NALCN: variants seen among roughly 807,000 people sequenced by gnomAD.
NALCN encodes sodium leak channel NALCN.
Under a neutral mutation model 225.3 loss-of-function variants are expected in NALCN, and 111 were observed. That is an observed-to-expected ratio of 0.49 (90% confidence interval 0.42 to 0.58). The LOEUF (loss-of-function observed/expected upper bound fraction) is 0.58. Ranked by LOEUF, NALCN falls within the 20% of genes least tolerant of loss-of-function variation. The probability of loss-of-function intolerance (pLI) is 0.00; values close to 1 mark genes in which losing one functional copy is unlikely to be tolerated. For missense variants in NALCN, 1,378 were observed against 2,202.4 expected (o/e 0.63, Z 7.49); for synonymous variants, 764 against 769.0 (o/e 0.99, Z 0.11).
chr13:101,325,841 A>C (rs1267232712), intron 7 of NALCN, among the ~76,000 whole-genome samples: 1 of 152,178 alleles, frequency 6.6e-6, no homozygotes, highest in Non-Finnish European at 1.5e-5. Flanking sequence ...CATTTCACAG[A>C]GCTTTATTAA....
intron 11 of NALCN, among the ~76,000 whole-genome samples, chr13:101,249,258 ACAAACCATAATAAT>A (rs1349313253): frequency 6.6e-6 from 1 of 152,204 alleles, no homozygotes; most frequent in Non-Finnish European, 1.5e-5. Context: ...CATGAAACTG[ACAAACCATAATAAT>A]CAAACCATAA....
intron 2 of NALCN, among the ~76,000 whole-genome samples, chr13:101,396,241 A>T (rs72654885): frequency 0.037 from 5,643 of 152,214 alleles, 148 homozygotes; most frequent in Admixed American, 0.073. Context: ...TCAATATTTT[A>T]TTATGAAAAC....
chr13:101,189,023 G>A (rs747225324), intron 14 of NALCN, among the ~76,000 whole-genome samples: 9 of 152,036 alleles, frequency 5.9e-5, no homozygotes, highest in Non-Finnish European at 8.8e-5. Context: ...ATATATGTGT[G>A]GGAAACCTCT....
chr13:101,378,241 A>T (rs180781677), intron 4 of NALCN, among the ~76,000 whole-genome samples: 101 of 152,220 alleles, frequency 6.6e-4, no homozygotes, highest in African/African-American at 2.3e-3. Flanking sequence ...ACAGCTATTG[A>T]CTTTTCTAAC....
chr13:101,193,555 C>T (rs968725570), intron 13 of NALCN, among the ~76,000 whole-genome samples: 2 of 152,130 alleles, frequency 1.3e-5, no homozygotes, highest in African/African-American at 4.8e-5. Flanking sequence ...AATCTCATTA[C>T]CTTATGAAGA....
Position 101,144,884 on chromosome 13 carries a change from C to A in NALCN, c.1852G>T (p.Glu618Ter). Residue 618 changes from glutamate (E) to a stop codon, truncating the protein, a stop_gained, in exon 16 of 44, where the codon GAA (glutamate) becomes TAA (stop). Coordinates refer to ENST00000251127, the MANE Select transcript of NALCN (RefSeq NM_052867.4). LOFTEE classifies it high-confidence loss of function. The stretch of plus-strand genomic sequence containing the variant: ...TTTTCTTTGGTGTCCGCATTTGCTT[C>A]ACTTTGCTTTAACTAAAGAAAAATT... ...LKKLKQLKQSEANADTKEKLP... is the reference protein window; with the variant it reads ...LKKLKQLKQS The A allele has an allele frequency of 6.2e-7, 1 of 1,608,714 alleles. No individual in the cohort carries two copies. The highest frequency in any genetic ancestry group is 8.5e-7 in the Non-Finnish European group (1 of 1,178,268).
chr13:101,204,342 T>C (rs1476637443), intron 13 of NALCN, among the ~76,000 whole-genome samples: 1 of 152,176 alleles, frequency 6.6e-6, no homozygotes, highest in Non-Finnish European at 1.5e-5. Context: ...TAGTTCTTTT[T>C]TCAAAATGAA....
intron 17 of NALCN, among the ~76,000 whole-genome samples, chr13:101,137,373 TTCTCTC>T (rs144925380): frequency 1.0e-3 from 157 of 150,314 alleles, no homozygotes; most frequent in Non-Finnish European, 1.9e-3. Context: ...CATTTGTTCA[TTCTCTC>T]TCTCTCTCTC....
At chr13:101,271,799 ATG>A (rs879667133) in intron 10 of NALCN, among the ~76,000 whole-genome samples, 189 of 150,756 alleles carry the variant, frequency 1.3e-3, no homozygotes, top group Non-Finnish European at 1.9e-3. Context: ...GTGTGCATGC[ATG>A]TGTGTGTGTG....
rs764370767 is a variant in NALCN at position 101,107,477 on chromosome 13, G to A, written c.2579+10C>T. ...AGGCCAAACACCTGGCTGAAATGAA[G>A]TGTACTTACGCGTTGAAGCGTGCTC... On this transcript the variant is annotated intron_variant, in intron 22 of 43. Coordinates refer to ENST00000251127, the MANE Select transcript of NALCN (RefSeq NM_052867.4). 1.1e-5 allele frequency: 17 copies of A among 1,613,826 alleles called. No homozygotes were observed. Among genetic ancestry groups the A allele is most frequent in the Non-Finnish European group, 1.4e-5 (16 of 1,179,908 alleles).
chr13:101,171,045 CTTCCG>C (rs1165178302), intron 15 of NALCN, among the ~76,000 whole-genome samples: 1 of 152,118 alleles, frequency 6.6e-6, no homozygotes, highest in African/African-American at 2.4e-5. Flanking sequence ...GTCATCAACT[CTTCCG>C]TTCAGAGAAG....
chr13:101,185,519 T>C (rs1042022111), intron 14 of NALCN, among the ~76,000 whole-genome samples: 1 of 152,164 alleles, frequency 6.6e-6, no homozygotes, highest in East Asian at 1.9e-4. Context: ...CCCCAAATCA[T>C]TGGCAAAGAT....
rs201866988 is a variant in NALCN, at chr13:101,376,822, C to T, written c.522G>A (p.Ser174=). Reference sequence around the variant, plus strand: ...TGGAAACACTCCATATTTGTTCTCCCGATCGCCTAGAGAAACAAAAGTAGG... The same window carrying T: ...TGGAAACACTCCATATTTGTTCTCCTGATCGCCTAGAGAAACAAAAGTAGG... ...RTRITNILKR[S]GEQIWSVSIF... is the part of the protein sequence containing the mutation. Residue 174 remains serine, a synonymous_variant, in exon 6 of 44, where the codon TCG becomes TCA. Coordinates refer to ENST00000251127, the MANE Select transcript of NALCN (RefSeq NM_052867.4). The T allele has an allele frequency of 2.9e-5, 47 of 1,612,540 alleles. No individual in the cohort carries two copies. Among genetic ancestry groups the T allele is most frequent in the Admixed American group, 1.5e-4 (9 of 59,556 alleles).
intron 6 of NALCN, among the ~76,000 whole-genome samples, chr13:101,364,194 C>G (rs2046322686): frequency 6.6e-6 from 1 of 152,090 alleles, no homozygotes; most frequent in Non-Finnish European, 1.5e-5. Flanking sequence ...TGGAACAACT[C>G]TATGATCCAG....
Position 101,237,825 on chromosome 13 carries a change from A to G in NALCN, c.1364T>C (p.Leu455Pro). ...AAGAGTAGTTCCAATTACGAGTAGTAGTTCGAATTTGTGGAGAGATGAGCT... is the reference window on the plus strand; with the variant it reads ...AAGAGTAGTTCCAATTACGAGTAGTGGTTCGAATTTGTGGAGAGATGAGCT... ...YISSSLHKFE[L>P]LLVIGTTLHV... Residue 455 changes from leucine (L) to proline (P), a missense_variant, in exon 12 of 44, where the codon CTA (leucine) becomes CCA (proline). By Grantham distance (98) the Leu-to-Pro change is moderately conservative. Coordinates refer to ENST00000251127, the MANE Select transcript of NALCN (RefSeq NM_052867.4). 6.2e-7 allele frequency: 1 copy of G among 1,607,384 alleles called. No homozygotes were observed. Among genetic ancestry groups the G allele is most frequent in the African/African-American group, 1.3e-5 (1 of 74,584 alleles).
intron 10 of NALCN, among the ~76,000 whole-genome samples, chr13:101,269,447 T>C (rs1329137840): frequency 1.3e-5 from 2 of 152,134 alleles, no homozygotes; most frequent in Non-Finnish European, 2.9e-5. Flanking sequence ...GTTGGTACTG[T>C]TGACATAGTT....
In NALCN at chr13:101,377,037, A is replaced by G. The variant is rs1029695913; in HGVS notation, c.395T>C (p.Ile132Thr). ...LVLQVFEIADIVDQMSPWGML... is the reference protein window; with the variant it reads ...LVLQVFEIADTVDQMSPWGML... The stretch of plus-strand genomic sequence containing the variant: ...GCCCCAAGGTGACATCTGATCAACT[A>G]TATCAGCAATTTCAAACACCTACAA... The change falls in exon 5 of 44, where the codon ATA becomes ACA. Residue 132 changes from isoleucine (I) to threonine (T), a missense_variant. Physicochemically the swap from Ile to Thr is moderately conservative, Grantham distance 89 (BLOSUM62 -1). This residue lies in a region of NALCN where 146 missense variants were observed against 205.9 expected (regional missense o/e 0.71). Coordinates refer to ENST00000251127, the MANE Select transcript of NALCN (RefSeq NM_052867.4). 2 of 1,614,072 alleles carry G rather than the reference A, an allele frequency of 1.2e-6. No homozygotes were observed. Among genetic ancestry groups the G allele is most frequent in the Admixed American group, 1.7e-5 (1 of 60,000 alleles).
intron 34 of NALCN, among the ~76,000 whole-genome samples, chr13:101,079,380 C>T (rs2033476290): frequency 6.6e-6 from 1 of 152,184 alleles, no homozygotes; most frequent in Non-Finnish European, 1.5e-5. Context: ...CCTTCTTACC[C>T]ATCCAAATCT....
chr13:101,406,669 T>C (rs1312594908), intron 1 of NALCN, among the ~76,000 whole-genome samples: 1 of 152,230 alleles, frequency 6.6e-6, no homozygotes, highest in Non-Finnish European at 1.5e-5. Flanking sequence ...AATTTTTTTC[T>C]GGTAGAAATC....
Sources: gnomAD v4.1 joint callset for allele counts (sites outside exome capture counted in the v4.1 genomes callset) on GRCh38, gnomAD v4.1.1 for gene constraint, gnomAD v4.1.1 regional missense constraint, MANE v1.5 for transcripts, NCBI Gene and HGNC (gene_info 2026-07-23, HGNC 2026-07-21) for gene names.